CCDC169: variants seen among roughly 807,000 people sequenced by gnomAD.
The protein encoded by CCDC169 is coiled-coil domain-containing protein 169.
A neutral mutation model predicts 36.0 loss-of-function variants in CCDC169; 30 were observed. That is an observed-to-expected ratio of 0.83 (90% CI 0.62 to 1.13). CCDC169 has a LOEUF of 1.13. Ranked by LOEUF, CCDC169 falls within the 50% of genes most tolerant of loss-of-function variation. The probability of loss-of-function intolerance (pLI) is 0.00; values close to 1 mark genes in which losing one functional copy is unlikely to be tolerated. For missense variants in CCDC169, 245 were observed against 245.9 expected (o/e 1.00, Z 0.03); for synonymous variants, 85 against 81.5 (o/e 1.04, Z -0.23).
chr13:36,291,391 T>G (rs560641586), intron 2 of CCDC169, among the ~76,000 whole-genome samples: 14 of 152,256 alleles, frequency 9.2e-5, no homozygotes, highest in Non-Finnish European at 2.1e-4. Flanking sequence ...TATAGTCTTC[T>G]GTTATCTCTT....
intron 1 of CCDC169, among the ~76,000 whole-genome samples, chr13:36,296,350 C>T (rs1879484926): frequency 6.6e-6 from 1 of 152,204 alleles, no homozygotes; most frequent in South Asian, 2.1e-4. Flanking sequence ...GCCTCGGCCT[C>T]CCAAAGTGCT....
At chr13:36,277,737 G>A (rs113061721) in intron 4 of CCDC169, among the ~76,000 whole-genome samples, 25,994 of 151,934 alleles carry the variant, frequency 0.17, 2,407 homozygotes, top group African/African-American at 0.23. Flanking sequence ...GATCACCTGA[G>A]GTCAGGAGTT....
chr13:36,249,305 TAGAC>T (rs1361893410), intron 6 of CCDC169, among the ~76,000 whole-genome samples: 2 of 152,142 alleles, frequency 1.3e-5, no homozygotes, highest in African/African-American at 4.8e-5. Context: ...TTACCAAAGA[TAGAC>T]AGGCCATCAT....
At chr13:36,253,995 G>C (rs1873506054) in intron 5 of CCDC169, 50 bp downstream of exon 5, 1 of 1,530,870 alleles carries the variant, frequency 6.5e-7, no homozygotes, top group African/African-American at 1.4e-5. Context: ...GATAACATTA[G>C]AAATAATGGC....
chr13:36,227,579 A>T (rs9546790), downstream of CCDC169, among the ~76,000 whole-genome samples: 61,568 of 151,966 alleles, frequency 0.41, 13,251 homozygotes, highest in Non-Finnish European at 0.48. Flanking sequence ...GGATCATATT[A>T]TTGAGAAAGA....
At chr13:36,240,533 A>C (rs1871673266) in intron 7 of CCDC169, 1 of 941,504 alleles carries the variant, frequency 1.1e-6, no homozygotes, top group Non-Finnish European at 1.4e-6. Context: ...AAAAAATCAG[A>C]ATCAGAAGGA....
intron 7 of CCDC169, among the ~76,000 whole-genome samples, chr13:36,241,288 A>AC (rs993547728): frequency 2.0e-5 from 3 of 152,246 alleles, no homozygotes; most frequent in African/African-American, 7.2e-5. Context: ...TCATAAATGT[A>AC]CCAATCCATA....
rs554261457 is a variant in CCDC169 at position 36,284,073 on chromosome 13, C to T, written c.164-371G>A. Reference sequence around the variant, plus strand: ...TTGAAATACCCATATATATAATATCCATATATTTCATATATGATATTTCAT... The same window carrying T: ...TTGAAATACCCATATATATAATATCTATATATTTCATATATGATATTTCAT... On this transcript the variant is annotated intron_variant, in intron 2 of 7. Transcript: ENST00000239859. 2.6e-5 allele frequency among the ~76,000 whole-genome samples: 4 copies of T among 151,694 alleles called. No homozygotes were observed. The South Asian group carries it at 8.3e-4, about 32-fold the overall frequency.
Position 36,274,813 on chromosome 13 carries a change from T to G in CCDC169, c.315+8656A>C, listed in dbSNP as rs1368290863. Among the ~76,000 whole-genome samples the G allele has an allele frequency of 4.6e-5, 7 of 151,678 alleles. No individual in the cohort carries two copies. The East Asian group carries it at 1.4e-3, about 29-fold the overall frequency. On this transcript the variant is annotated intron_variant, in intron 4 of 7. Transcript: ENST00000239859. ...CACCTGAAATAAAGTATACTTAGGT[T>G]TTTAAAAAAGTCCCTCACCTCTATC...
intron 2 of CCDC169, among the ~76,000 whole-genome samples, chr13:36,290,619 G>A (rs554039273): frequency 6.6e-6 from 1 of 152,250 alleles, no homozygotes; most frequent in African/African-American, 2.4e-5. Context: ...CTAAACAGCT[G>A]AACAATATGC....
intron 7 of CCDC169, among the ~76,000 whole-genome samples, chr13:36,233,085 T>A (rs1356300883): frequency 6.6e-6 from 1 of 152,164 alleles, no homozygotes; most frequent in African/African-American, 2.4e-5. Context: ...GGTAGAGTTG[T>A]AATTTGCCTG....
At chr13:36,242,097 C>T (rs771019684) in intron 7 of CCDC169, among the ~76,000 whole-genome samples, 93 of 152,244 alleles carry the variant, frequency 6.1e-4, no homozygotes, top group African/African-American at 1.0e-3. Context: ...ACACAGCTTG[C>T]GGGACTGTGA....
At chr13:36,227,754 T>A (rs973605632), downstream of CCDC169, among the ~76,000 whole-genome samples, 1 of 152,190 alleles carries the variant, frequency 6.6e-6, no homozygotes, top group Non-Finnish European at 1.5e-5. Context: ...CAACTGTCAC[T>A]GCAATCAATT....
chr13:36,245,118 T>C (rs1280098655), intron 7 of CCDC169, among the ~76,000 whole-genome samples: 1 of 152,204 alleles, frequency 6.6e-6, no homozygotes, highest in African/African-American at 2.4e-5. Context: ...TGCTGACTTA[T>C]AGCTGATTCA....
chr13:36,269,600 G>T (rs1875775252), intron 4 of CCDC169, among the ~76,000 whole-genome samples: 1 of 152,086 alleles, frequency 6.6e-6, no homozygotes, highest in Non-Finnish European at 1.5e-5. Context: ...TCATTCCAGG[G>T]ATGCAAGGAT....
intron 4 of CCDC169, among the ~76,000 whole-genome samples, chr13:36,261,275 C>T (rs1233494068): frequency 6.6e-6 from 1 of 152,134 alleles, no homozygotes; most frequent in Non-Finnish European, 1.5e-5. Context: ...TCCCTTCCCA[C>T]CAAGACTAAT....
chr13:36,245,264 C>T (rs1872360143), intron 7 of CCDC169, among the ~76,000 whole-genome samples: 1 of 152,056 alleles, frequency 6.6e-6, no homozygotes, highest in African/African-American at 2.4e-5. Context: ...TGTGTGTAGA[C>T]ATAACCTTGT....
intron 2 of CCDC169, among the ~76,000 whole-genome samples, chr13:36,285,618 G>GATAGATAGATAC (rs751327575): frequency 0.16 from 21,188 of 133,112 alleles, 1,822 homozygotes; most frequent in East Asian, 0.27. Context: ...TAGATAGATA[G>GATAGATAGATAC]ATACATAGAT....
chr13:36,288,400 G>T (rs989144290), intron 2 of CCDC169, among the ~76,000 whole-genome samples: 1 of 152,160 alleles, frequency 6.6e-6, no homozygotes, highest in South Asian at 2.1e-4. Flanking sequence ...AATGGAAAAG[G>T]TGAATACATG....
Sources: allele counts gnomAD v4.1 joint callset (sites outside exome capture counted in the v4.1 genomes callset), GRCh38; gene constraint gnomAD v4.1.1; transcripts MANE v1.5; gene names NCBI Gene and HGNC (gene_info 2026-07-23, HGNC 2026-07-21).